Variants in ZNF440 observed in about 807,000 individuals in gnomAD.
ZNF440 encodes the protein zinc finger protein 440.
In ZNF440, 47 loss-of-function variants were observed where a neutral mutation model predicts 49.7. The observed-to-expected ratio is 0.95, with a 90% confidence interval of 0.75 to 1.21. ZNF440 has a LOEUF of 1.21. Among genes scored for constraint, ZNF440 ranks in the 50% most tolerant of loss-of-function variants. The pLI is 0.00. For missense variants in ZNF440, 703 were observed against 715.0 expected, an observed-to-expected ratio of 0.98 and a Z score of 0.19; for synonymous variants, 255 against 237.7, an observed-to-expected ratio of 1.07 and a Z score of -0.67.
At chr19:11,830,706 G>A (rs1975926405) in intron 3 of ZNF440, 29 bp downstream of exon 3, 1 of 1,608,516 alleles carries the variant, frequency 6.2e-7, no homozygotes, top group African/African-American at 1.3e-5. Flanking sequence ...ACAAAGCAGT[G>A]TCTCTCTAGA....
chr19:11,831,990 C>T lies in ZNF440; in HGVS notation c.814C>T (p.Arg272Cys), dbSNP rs201269465. The T allele has an allele frequency of 4.5e-5, 73 of 1,613,790 alleles. No individual in the cohort carries two copies. The highest frequency in any genetic ancestry group is 5.3e-5 in the Non-Finnish European group (63 of 1,179,916). ...AGCATTTCATAGTCCCAGATCCTAT[C>T]GTAGACATGAAAGGATTCACATGGG... ...GKAFHSPRSY[R>C]RHERIHMGEK... Residue 272 changes from arginine (R) to cysteine (C), a missense_variant, in exon 4 of 4, where the codon CGT (arginine) becomes TGT (cysteine). Transcript: ENST00000304060.
intron 1 of ZNF440, among the ~76,000 whole-genome samples, chr19:11,820,420 G>A (rs950780561): frequency 2.0e-5 from 3 of 152,172 alleles, no homozygotes; most frequent in Admixed American, 2.0e-4. Flanking sequence ...GGGTTTCACC[G>A]TATTAGTCAG....
At chr19:11,825,973 G>A (rs1428356232) in intron 1 of ZNF440, among the ~76,000 whole-genome samples, 1 of 151,554 alleles carries the variant, frequency 6.6e-6, no homozygotes, top group East Asian at 1.9e-4. Context: ...GCACCATCAC[G>A]CCCGGCTGAT....
chr19:11,814,288 C>T lies in ZNF440; in HGVS notation c.-160C>T. On this transcript the variant is annotated 5_prime_UTR_variant, in exon 1 of 4. Coordinates refer to ENST00000304060, the MANE Select transcript of ZNF440 (RefSeq NM_152357.3). ...AGGGACAGTCGCCCTCCGTCCATTC[C>T]TTTAGTGCTGCGCCGACAGCGGTCA... 2.8e-6 allele frequency: 2 copies of T among 716,210 alleles called. No individual in the cohort carries two copies. Among genetic ancestry groups the T allele is most frequent in the Non-Finnish European group, 4.1e-6 (2 of 484,622 alleles). 44.4% of individuals were successfully genotyped at this position (716,210 alleles called of 1,614,324 possible). A position where few individuals can be genotyped will look rare whatever the true frequency, so the allele number is the denominator to read the frequency against.
At position 11,830,259 on chromosome 19, in the gene ZNF440, T is replaced by C. The variant is rs550039596; in HGVS notation, c.4-24T>C. On this transcript the variant is annotated intron_variant, in intron 1 of 3. Coordinates refer to ENST00000304060, the MANE Select transcript of ZNF440 (RefSeq NM_152357.3). ...AGTGCTGTCACTCTCACCCATCTTCTTCTACACATGTGAGATGTTTCAGGA... is the reference window on the plus strand; with the variant it reads ...AGTGCTGTCACTCTCACCCATCTTCCTCTACACATGTGAGATGTTTCAGGA... 3.2e-5 allele frequency: 52 copies of C among 1,613,882 alleles called. No homozygotes were observed. In the African/African-American group the frequency reaches 5.9e-4, roughly 18 times the overall value.
chr19:11,826,407 C>T (rs996722475), intron 1 of ZNF440, among the ~76,000 whole-genome samples: 9 of 151,926 alleles, frequency 5.9e-5, no homozygotes, highest in Non-Finnish European at 1.2e-4. Context: ...GGAGGACTTT[C>T]GTGTGGACAT....
Position 11,831,781 on chromosome 19 carries a change from G to T in ZNF440, c.605G>T (p.Cys202Phe), listed in dbSNP as rs1457479029. ...VMHSGDGPYK[C>F]KFCGKAFHCL... ...CACAGTGGGGATGGACCTTATAAATGTAAGTTTTGTGGGAAAGCATTCCAT... is the reference window on the plus strand; with the variant it reads ...CACAGTGGGGATGGACCTTATAAATTTAAGTTTTGTGGGAAAGCATTCCAT... Residue 202 changes from cysteine to phenylalanine, a missense_variant, in exon 4 of 4, where the codon TGT (cysteine) becomes TTT (phenylalanine). By Grantham distance (205) the Cys-to-Phe change is radical. Coordinates refer to ENST00000304060, the MANE Select transcript of ZNF440 (RefSeq NM_152357.3). The T allele has an allele frequency of 6.2e-7, 1 of 1,609,348 alleles. No individual in the cohort carries two copies. The highest frequency in any genetic ancestry group is 1.7e-5 in the Admixed American group (1 of 59,810).
At chr19:11,820,278 G>A (rs556142186) in intron 1 of ZNF440, among the ~76,000 whole-genome samples, 2,080 of 152,080 alleles carry the variant, frequency 0.014, 45 homozygotes, top group African/African-American at 0.046. Context: ...GTGCAGTGGC[G>A]CGATCTCGGC....
At position 11,833,082 on chromosome 19, in the gene ZNF440, A is replaced by G; in HGVS notation, c.*118A>G. The G allele has an allele frequency of 6.6e-7, 1 of 1,518,858 alleles. No homozygotes were observed. The highest frequency in any genetic ancestry group is 9.1e-7 in the Non-Finnish European group (1 of 1,103,542). The allele number at this position is 1,518,858 out of a possible 1,614,324, so 94.1% of individuals were successfully genotyped here. A position where few individuals can be genotyped will look rare whatever the true frequency, so the allele number is the denominator to read the frequency against. On this transcript the variant is annotated 3_prime_UTR_variant, in exon 4 of 4. Coordinates refer to ENST00000304060, the MANE Select transcript of ZNF440 (RefSeq NM_152357.3). Reference sequence around the variant, plus strand: ...GGAGAGAAACCCTATGAGTGTAAGCAATGTGGGAAAGCCTTTGTTTCCTTC... The same window carrying G: ...GGAGAGAAACCCTATGAGTGTAAGCGATGTGGGAAAGCCTTTGTTTCCTTC...
intron 1 of ZNF440, among the ~76,000 whole-genome samples, chr19:11,820,277 C>T (rs1017717596): frequency 1.3e-5 from 2 of 152,064 alleles, no homozygotes; most frequent in Admixed American, 6.6e-5. Context: ...AGTGCAGTGG[C>T]GCGATCTCGG....
intron 1 of ZNF440, among the ~76,000 whole-genome samples, chr19:11,822,351 C>A (rs1006174593): frequency 6.6e-6 from 1 of 152,126 alleles, no homozygotes; most frequent in African/African-American, 2.4e-5. Context: ...AAAGAAAATG[C>A]ATGCTAAGGT....
At position 11,833,798 on chromosome 19, in the gene ZNF440, A is replaced by G; in HGVS notation, c.*834A>G. On this transcript the variant is annotated 3_prime_UTR_variant, in exon 4 of 4. Coordinates refer to ENST00000304060, the MANE Select transcript of ZNF440 (RefSeq NM_152357.3). ...CAGCCTCGCACCTTCAAATGCATGG[A>G]AGGACTCACACTGGAGAAAAACCCT... The G allele has an allele frequency of 1.2e-6, 1 of 824,978 alleles. No homozygotes were observed. Among genetic ancestry groups the G allele is most frequent in the East Asian group, 3.7e-5 (1 of 26,838 alleles). 51.1% of individuals were successfully genotyped at this position (824,978 alleles called of 1,614,324 possible).
intron 1 of ZNF440, 78 bp from the exon 2 acceptor site, chr19:11,830,205 A>T: frequency 6.3e-7 from 1 of 1,587,114 alleles, no homozygotes. Flanking sequence ...GCATCCTGAG[A>T]ACTTCTTGGG....
intron 1 of ZNF440, chr19:11,817,133 A>G (rs1457758627): frequency 1.3e-5 from 2 of 152,220 alleles, no homozygotes; most frequent in African/African-American, 4.8e-5. Context: ...CCCATTTGGG[A>G]AAAACACAGA....
rs745886944 is a variant in ZNF440 at position 11,834,636 on chromosome 19, TTA to T, written c.*1674_*1675del. On this transcript the variant is annotated 3_prime_UTR_variant, in exon 4 of 4. Transcript: ENST00000304060. ...AAGAAGAGAAAAATTTTGGTCATGTTTATGATTTGAAATACGTTTTCCTCTAT... is the reference window on the plus strand; with the variant it reads ...AAGAAGAGAAAAATTTTGGTCATGTTTGATTTGAAATACGTTTTCCTCTAT... The T allele has an allele frequency of 1.3e-5, 2 of 152,202 alleles. No homozygotes were observed. The highest frequency in any genetic ancestry group is 2.4e-5 in the African/African-American group (1 of 41,440). The allele number at this position is 152,202 out of a possible 1,614,324, so 9.4% of individuals were successfully genotyped here.
chr19:11,831,867 A>G lies in ZNF440; in HGVS notation c.691A>G (p.Lys231Glu). ...IHTGEKPCEC[K>E]QCGKSFSYSA... ...CACTGGAGAGAAACCATGTGAATGT[A>G]AACAGTGTGGTAAATCCTTTAGTTA... Residue 231 changes from lysine (K) to glutamate (E), a missense_variant, in exon 4 of 4, where the codon AAA (lysine) becomes GAA (glutamate). Lys to Glu is a moderately conservative substitution (Grantham distance 56). Transcript: ENST00000304060. The G allele has an allele frequency of 6.2e-7, 1 of 1,614,030 alleles. No individual in the cohort carries two copies. Among genetic ancestry groups the G allele is most frequent in the Non-Finnish European group, 8.5e-7 (1 of 1,179,942 alleles).
intron 1 of ZNF440, among the ~76,000 whole-genome samples, chr19:11,820,588 C>T (rs1297876992): frequency 6.6e-6 from 1 of 152,132 alleles, no homozygotes; most frequent in Non-Finnish European, 1.5e-5. Context: ...AAAATCCCCA[C>T]GACTGCCCTG....
chr19:11,832,011 A>G lies in ZNF440; in HGVS notation c.835A>G (p.Met279Val), dbSNP rs745390027. ...RSYRRHERIHMGEKAYQCKEC... is the reference protein window; with the variant it reads ...RSYRRHERIHVGEKAYQCKEC... The stretch of plus-strand genomic sequence containing the variant: ...CTATCGTAGACATGAAAGGATTCAC[A>G]TGGGAGAAAAGGCTTATCAATGTAA... The change falls in exon 4 of 4, where the codon ATG (methionine) becomes GTG (valine). Residue 279 changes from methionine to valine, a missense_variant. Coordinates refer to ENST00000304060, the MANE Select transcript of ZNF440 (RefSeq NM_152357.3). 2 of 1,614,144 alleles carry G rather than the reference A, an allele frequency of 1.2e-6. No homozygotes were observed. The highest frequency in any genetic ancestry group is 1.7e-6 in the Non-Finnish European group (2 of 1,180,010).
intron 1 of ZNF440, among the ~76,000 whole-genome samples, chr19:11,825,817 C>CTTT (rs74180041): frequency 1.2e-4 from 16 of 131,466 alleles, no homozygotes; most frequent in Admixed American, 3.1e-4. Context: ...CTTTTCTTTT[C>CTTT]TTTTTTTTTT....
Sources: gnomAD v4.1 joint callset for allele counts (sites outside exome capture counted in the v4.1 genomes callset) on GRCh38, gnomAD v4.1.1 for gene constraint, MANE v1.5 for transcripts, NCBI Gene and HGNC (gene_info 2026-07-23, HGNC 2026-07-21) for gene names.